Variants in TEAD1 observed in about 807,000 individuals in gnomAD.
TEAD1 encodes transcriptional enhancer factor TEF-1.
In TEAD1, 9 loss-of-function variants were observed where a neutral mutation model predicts 54.9. The ratio of observed to expected loss-of-function variants is 0.16; its 90% CI spans 0.10 to 0.29. The LOEUF (loss-of-function observed/expected upper bound fraction) is 0.29. Ranked by LOEUF, TEAD1 falls within the 10% of genes least tolerant of loss-of-function variation. TEAD1 has a pLI of 1.00. For missense variants in TEAD1, 387 were observed against 535.9 expected, an observed-to-expected ratio of 0.72 and a Z score of 2.74; for synonymous variants, 200 against 187.8, an observed-to-expected ratio of 1.07 and a Z score of -0.53.
intron 3 of TEAD1, among the ~76,000 whole-genome samples, chr11:12,846,897 C>A (rs1328921682): frequency 6.6e-6 from 1 of 152,218 alleles, no homozygotes; most frequent in Admixed American, 6.5e-5. Context: ...TGTCCTCTTT[C>A]ATTGCCAGTC....
At chr11:12,718,380 A>G (rs1225341909) in intron 2 of TEAD1, among the ~76,000 whole-genome samples, 1 of 152,148 alleles carries the variant, frequency 6.6e-6, no homozygotes, top group Non-Finnish European at 1.5e-5. Flanking sequence ...TGACAAGATA[A>G]TGAAAGTCAA....
chr11:12,708,336 G>A (rs962437155), intron 2 of TEAD1, among the ~76,000 whole-genome samples: 3 of 151,920 alleles, frequency 2.0e-5, no homozygotes, highest in Non-Finnish European at 2.9e-5. Context: ...CAAACTGTGG[G>A]CAAGAATGTA....
intron 2 of TEAD1, among the ~76,000 whole-genome samples, chr11:12,758,405 G>GTCTT: frequency 1.2e-5 from 1 of 85,728 alleles, no homozygotes. Context: ...CGCCCAGCTA[G>GTCTT]TTTTTTTTTT....
At chr11:12,698,288 G>A (rs929227311) in intron 2 of TEAD1, among the ~76,000 whole-genome samples, 8 of 152,054 alleles carry the variant, frequency 5.3e-5, no homozygotes, top group African/African-American at 1.7e-4. Flanking sequence ...CTTCCTTGCT[G>A]CGCTCTCTCT....
intron 3 of TEAD1, among the ~76,000 whole-genome samples, chr11:12,796,205 G>A (rs7924991): frequency 0.014 from 2,087 of 152,226 alleles, 53 homozygotes; most frequent in African/African-American, 0.048. Flanking sequence ...CTAAGTGTTG[G>A]GTAGCAACCT....
chr11:12,843,869 G>A (rs893422234), intron 3 of TEAD1, among the ~76,000 whole-genome samples: 3 of 152,212 alleles, frequency 2.0e-5, no homozygotes, highest in South Asian at 2.1e-4. Context: ...AACTGGAGCC[G>A]GGTTAAATAA....
At chr11:12,893,104 A>G (rs1468388344) in intron 9 of TEAD1, among the ~76,000 whole-genome samples, 9 of 152,204 alleles carry the variant, frequency 5.9e-5, no homozygotes, top group Admixed American at 1.3e-4. Flanking sequence ...ATTCTAACCC[A>G]GGTGTCATTA....
intron 3 of TEAD1, among the ~76,000 whole-genome samples, chr11:12,850,010 A>C (rs1447650376): frequency 2.6e-5 from 4 of 152,240 alleles, no homozygotes; most frequent in Non-Finnish European, 5.9e-5. Context: ...CAATAGAAGC[A>C]TCATGGGTTT....
chr11:12,875,365 G>C (rs1430272325), intron 5 of TEAD1, among the ~76,000 whole-genome samples: 1 of 152,152 alleles, frequency 6.6e-6, no homozygotes, highest in Non-Finnish European at 1.5e-5. Context: ...AGCCAGGCAG[G>C]TATCTCTGGG....
At chr11:12,710,753 G>A (rs1241078495) in intron 2 of TEAD1, among the ~76,000 whole-genome samples, 2 of 152,180 alleles carry the variant, frequency 1.3e-5, no homozygotes, top group Non-Finnish European at 2.9e-5. Context: ...ATGTCATGAA[G>A]AGCGTGACCG....
At chr11:12,694,260 T>C (rs903241031) in intron 2 of TEAD1, among the ~76,000 whole-genome samples, 2 of 152,046 alleles carry the variant, frequency 1.3e-5, no homozygotes, top group Non-Finnish European at 1.5e-5. Context: ...GACTCTTTGT[T>C]TGTTCTTCAC....
chr11:12,739,481 C>T (rs1438805866), intron 2 of TEAD1, among the ~76,000 whole-genome samples: 1 of 152,184 alleles, frequency 6.6e-6, no homozygotes, highest in Non-Finnish European at 1.5e-5. Context: ...CACCATTCTA[C>T]TTTCTGTGAA....
intron 3 of TEAD1, among the ~76,000 whole-genome samples, chr11:12,839,203 G>A (rs761901653): frequency 6.6e-6 from 1 of 152,056 alleles, no homozygotes; most frequent in Non-Finnish European, 1.5e-5. Flanking sequence ...CTGAGGTCAG[G>A]AGTTTGAGAC....
chr11:12,880,731 C>G (rs1054764276), intron 6 of TEAD1, among the ~76,000 whole-genome samples: 2 of 152,238 alleles, frequency 1.3e-5, no homozygotes, highest in East Asian at 3.9e-4. Context: ...ACGCGCAGAT[C>G]TTTGCTTAGG....
At chr11:12,764,026 C>T (rs931440972) in intron 2 of TEAD1, among the ~76,000 whole-genome samples, 153 bp from the exon 3 acceptor site, 14 of 152,216 alleles carry the variant, frequency 9.2e-5, no homozygotes, top group East Asian at 7.7e-4. Flanking sequence ...AGAACTTAAC[C>T]GTGTAACCCA....
intron 3 of TEAD1, among the ~76,000 whole-genome samples, chr11:12,769,842 G>A (rs1175494721): frequency 6.6e-6 from 1 of 152,176 alleles, no homozygotes; most frequent in Non-Finnish European, 1.5e-5. Flanking sequence ...TGTATTTCAA[G>A]GCCTGGAATA....
chr11:12,745,637 C>T (rs1237997199), intron 2 of TEAD1, among the ~76,000 whole-genome samples: 16 of 138,212 alleles, frequency 1.2e-4, no homozygotes, highest in Non-Finnish European at 2.3e-4. Flanking sequence ...GTTCAGAATA[C>T]GGCTGTGTCT....
chr11:12,940,913 A>G lies in TEAD1; in HGVS notation c.*3691A>G, dbSNP rs1373731527. 3 of 152,192 alleles carry G rather than the reference A, an allele frequency of 2.0e-5. No individual in the cohort carries two copies. The highest frequency in any genetic ancestry group is 7.2e-5 in the African/African-American group (3 of 41,440). 9.4% of individuals were successfully genotyped at this position (152,192 alleles called of 1,614,324 possible). On this transcript the variant is annotated 3_prime_UTR_variant, in exon 13 of 13. Coordinates refer to ENST00000527636, the MANE Select transcript of TEAD1 (RefSeq NM_021961.6). ...GGATTGGTACCAGAAGAGGGCTAAG[A>G]TACGTTTTCTGTCTTGAGCTGAAAG...
chr11:12,721,315 C>G, intron 2 of TEAD1, among the ~76,000 whole-genome samples: 1 of 152,140 alleles, frequency 6.6e-6, no homozygotes, highest in Non-Finnish European at 1.5e-5. Flanking sequence ...GGTTCAGGAG[C>G]ACCACATTTT....
Sources: allele counts gnomAD v4.1 joint callset (sites outside exome capture counted in the v4.1 genomes callset), GRCh38; gene constraint gnomAD v4.1.1; transcripts MANE v1.5; gene names NCBI Gene and HGNC (gene_info 2026-07-23, HGNC 2026-07-21).